FOXRED2: variants seen among roughly 807,000 people sequenced by gnomAD.
FOXRED2 encodes FAD-dependent oxidoreductase domain-containing protein 2.
Under a neutral mutation model 52.5 loss-of-function variants are expected in FOXRED2, and 32 were observed. That is an observed-to-expected ratio of 0.61 (90% CI 0.46 to 0.82). The LOEUF (loss-of-function observed/expected upper bound fraction) is 0.82. FOXRED2 is among the 40% of genes least tolerant of loss of function. The probability of loss-of-function intolerance (pLI) is 0.00; values close to 1 mark genes in which losing one functional copy is unlikely to be tolerated. For synonymous variants in FOXRED2, 405 were observed against 398.1 expected (o/e 1.02, Z -0.21); for missense variants, 848 against 937.5 (o/e 0.90, Z 1.25).
rs536085137 is a variant in FOXRED2 at position 36,505,496 on chromosome 22, C to T, written c.527+400G>A. Among the ~76,000 whole-genome samples the T allele has an allele frequency of 7.9e-5, 12 of 152,264 alleles. No individual in the cohort carries two copies. In the South Asian group the frequency reaches 1.7e-3, roughly 21 times the overall value. ...CAAAAATAGAATTGAAGGCCGGGTG[C>T]GGTGGCTCATACCTGTAATCCCAGC... On this transcript the variant is annotated intron_variant, in intron 2 of 8. Coordinates refer to ENST00000397224, the MANE Select transcript of FOXRED2 (RefSeq NM_001102371.2).
At chr22:36,499,550 T>C (rs1180150348) in intron 5 of FOXRED2, among the ~76,000 whole-genome samples, 2 of 152,126 alleles carry the variant, frequency 1.3e-5, no homozygotes, top group Non-Finnish European at 2.9e-5. Context: ...GGCTTGAGTC[T>C]GGGAAGTCGA....
chr22:36,499,558 C>G (rs970400977), intron 5 of FOXRED2, among the ~76,000 whole-genome samples: 1 of 152,032 alleles, frequency 6.6e-6, no homozygotes, highest in Non-Finnish European at 1.5e-5. Context: ...TCTGGGAAGT[C>G]GAGGCTGCAG....
chr22:36,500,872 T>C (rs1717815023), intron 5 of FOXRED2, among the ~76,000 whole-genome samples: 1 of 151,898 alleles, frequency 6.6e-6, no homozygotes, highest in South Asian at 2.1e-4. Context: ...GCGTGAGCCA[T>C]TGCACCTGGC....
intron 5 of FOXRED2, among the ~76,000 whole-genome samples, chr22:36,499,773 A>G (rs1245606098): frequency 2.0e-5 from 3 of 152,150 alleles, no homozygotes; most frequent in Non-Finnish European, 2.9e-5. Context: ...CAGAAGGTTA[A>G]CCACAGGAGC....
chr22:36,487,389 A>G lies in FOXRED2; in HGVS notation c.*2619T>C, dbSNP rs2145834002. 1.3e-5 allele frequency: 2 copies of G among 152,390 alleles called. No homozygotes were observed. Among genetic ancestry groups the G allele is most frequent in the East Asian group, 3.9e-4 (2 of 5,188 alleles). The allele number at this position is 152,390 out of a possible 1,614,324, so 9.4% of individuals were successfully genotyped here. On this transcript the variant is annotated 3_prime_UTR_variant, in exon 9 of 9. Coordinates refer to ENST00000397224, the MANE Select transcript of FOXRED2 (RefSeq NM_001102371.2). ...TCTGACTGGCTATTTTAAAGAGAGC[A>G]GGGGTATAAGCCAGAGTGGTGGGGT... is the stretch of plus-strand genomic sequence containing the variant.
At chr22:36,501,156 C>T in intron 5 of FOXRED2, 85 bp downstream of exon 5, 1 of 1,396,052 alleles carries the variant, frequency 7.2e-7, no homozygotes, top group Non-Finnish European at 1.0e-6. Context: ...CCTAATGCTT[C>T]TGGACATAGG....
chr22:36,489,929 G>C lies in FOXRED2; in HGVS notation c.*79C>G, dbSNP rs964942666. The C allele has an allele frequency of 4.5e-5, 62 of 1,392,724 alleles. 1 individual carries two copies. Among genetic ancestry groups the C allele is most frequent in the Middle Eastern group, 1.9e-4 (1 of 5,344 alleles). The allele number at this position is 1,392,724 out of a possible 1,614,324, so 86.3% of individuals were successfully genotyped here. A position where few individuals can be genotyped will look rare whatever the true frequency, so the allele number is the denominator to read the frequency against. The stretch of plus-strand genomic sequence containing the variant: ...CAATCACGCATTGGCGGGAGTGTGA[G>C]GTTGCGGGGAAAGAGGGACTGACCA... On this transcript the variant is annotated 3_prime_UTR_variant, in exon 9 of 9. Transcript: ENST00000397224.
chr22:36,500,089 C>A (rs1223598020), intron 5 of FOXRED2, among the ~76,000 whole-genome samples: 2 of 152,200 alleles, frequency 1.3e-5, no homozygotes, highest in African/African-American at 4.8e-5. Flanking sequence ...GTGTGACCCA[C>A]CGTGCCTGGC....
At chr22:36,491,104 G>A (rs11704771) in intron 8 of FOXRED2, among the ~76,000 whole-genome samples, 6 of 152,046 alleles carry the variant, frequency 3.9e-5, no homozygotes, top group Admixed American at 2.6e-4. Flanking sequence ...GGACGTTGCA[G>A]TGAGCCAAGA....
Position 36,496,226 on chromosome 22 carries a change from C to T in FOXRED2, c.1383-18G>A, listed in dbSNP as rs186418336. The T allele has an allele frequency of 9.1e-5, 147 of 1,612,472 alleles. No individual in the cohort carries two copies. In the African/African-American group the frequency reaches 1.5e-3, roughly 17 times the overall value. On this transcript the variant is annotated intron_variant, in intron 6 of 8. Coordinates refer to ENST00000397224, the MANE Select transcript of FOXRED2 (RefSeq NM_001102371.2). ...TGGAATTCCTGGGAGAACAGCAACG[C>T]GGGGGAGGCCCTCAGTGCTGTGGCA...
chr22:36,504,358 G>C lies in FOXRED2; in HGVS notation c.789C>G (p.Asn263Lys). ...GCTGGTAGGTATCCAGCAGGCCATT[G>C]TTGATGGCTCTGAGCCCACAGAGAA... ...THYVGDLRAI[N>K]NGLLDTYQLK... Residue 263 changes from asparagine to lysine, a missense_variant, in exon 4 of 9, where the codon AAC (asparagine) becomes AAG (lysine). Physicochemically the swap from Asn to Lys is moderately conservative, Grantham distance 94. Coordinates refer to ENST00000397224, the MANE Select transcript of FOXRED2 (RefSeq NM_001102371.2). 6.2e-7 allele frequency: 1 copy of C among 1,614,010 alleles called. No individual in the cohort carries two copies. Among genetic ancestry groups the C allele is most frequent in the Non-Finnish European group, 8.5e-7 (1 of 1,179,932 alleles).
intron 8 of FOXRED2, among the ~76,000 whole-genome samples, chr22:36,491,659 C>T (rs1933760222): frequency 6.6e-6 from 1 of 152,172 alleles, no homozygotes; most frequent in East Asian, 1.9e-4. Flanking sequence ...CCTTTCTCGG[C>T]CTCCCAAAGT....
rs376119704 is a variant in FOXRED2 at position 36,490,240 on chromosome 22, C to T, written c.1823G>A (p.Arg608His). Reference protein sequence around the residue: ...AESCFLFALTRQKLPPFCQQG... With the variant: ...AESCFLFALTHQKLPPFCQQG... ...CTGGCAAAAGGGTGGCAACTTCTGG[C>T]GCGTGAGGGCGAACAGGAAGCAGGA... The change falls in exon 9 of 9, where the codon CGC (arginine) becomes CAC (histidine). Residue 608 changes from arginine to histidine, a missense_variant. By Grantham distance (29) the Arg-to-His change is conservative. Coordinates refer to ENST00000397224, the MANE Select transcript of FOXRED2 (RefSeq NM_001102371.2). 4.1e-5 allele frequency: 66 copies of T among 1,611,132 alleles called. No homozygotes were observed. Among genetic ancestry groups the T allele is most frequent in the East Asian group, 1.1e-4 (5 of 44,804 alleles).
chr22:36,501,494 C>A, intron 4 of FOXRED2, 87 bp from the exon 5 acceptor site: 1 of 1,367,134 alleles, frequency 7.3e-7, no homozygotes. Flanking sequence ...GAGTTTCGCT[C>A]TTGTCGCCCA....
Position 36,490,092 on chromosome 22 carries a change from C to A in FOXRED2, c.1971G>T (p.Gln657His). 6.2e-7 allele frequency: 1 copy of A among 1,613,796 alleles called. No individual in the cohort carries two copies. The highest frequency in any genetic ancestry group is 8.5e-7 in the Non-Finnish European group (1 of 1,179,754). Residue 657 changes from glutamine to histidine, a missense_variant, in exon 9 of 9, where the codon CAG becomes CAT. By Grantham distance (24) the Gln-to-His change is conservative. Transcript: ENST00000397224. The stretch of plus-strand genomic sequence containing the variant: ...AACCTAGTGGCTCTTGGTCGCCAAG[C>A]TGCTGGCTGCTGTCCTCCAGGCGCC... ...TGRRLEDSSQ[Q>H]LGDQEPLGSP...
At chr22:36,494,015 C>T (rs949048665) in intron 7 of FOXRED2, among the ~76,000 whole-genome samples, 7 of 152,246 alleles carry the variant, frequency 4.6e-5, no homozygotes, top group Admixed American at 1.3e-4. Flanking sequence ...AGGAACTAGG[C>T]TTTTCCCTTG....
In FOXRED2 at chr22:36,504,341, G is replaced by A; in HGVS notation, c.806C>T (p.Thr269Ile). The change falls in exon 4 of 9, where the codon ACC becomes ATC. Residue 269 changes from threonine to isoleucine, a missense_variant. By Grantham distance (89) the Thr-to-Ile change is moderately conservative. Coordinates refer to ENST00000397224, the MANE Select transcript of FOXRED2 (RefSeq NM_001102371.2). ...LRAINNGLLDTYQLKSLDGLL... is the reference protein window; with the variant it reads ...LRAINNGLLDIYQLKSLDGLL... Reference sequence around the variant, plus strand: ...CCCGTCCAGGGACTTGAGCTGGTAGGTATCCAGCAGGCCATTGTTGATGGC... The same window carrying A: ...CCCGTCCAGGGACTTGAGCTGGTAGATATCCAGCAGGCCATTGTTGATGGC... 6.2e-7 allele frequency: 1 copy of A among 1,614,130 alleles called. No individual in the cohort carries two copies. Among genetic ancestry groups the A allele is most frequent in the Non-Finnish European group, 8.5e-7 (1 of 1,180,030 alleles).
intron 5 of FOXRED2, 41 bp from the exon 6 acceptor site, chr22:36,498,197 AT>A: frequency 6.3e-7 from 1 of 1,578,864 alleles, no homozygotes. Context: ...TGCACTTACC[AT>A]TTTATCTCTG....
chr22:36,503,612 C>T (rs1033866236), intron 4 of FOXRED2, among the ~76,000 whole-genome samples: 2 of 152,060 alleles, frequency 1.3e-5, no homozygotes, highest in African/African-American at 4.8e-5. Flanking sequence ...CACCCAGCCT[C>T]CAAGCATATT....
Sources: allele counts gnomAD v4.1 joint callset (sites outside exome capture counted in the v4.1 genomes callset), GRCh38; gene constraint gnomAD v4.1.1; transcripts MANE v1.5; gene names NCBI Gene and HGNC (gene_info 2026-07-23, HGNC 2026-07-21).